FHIT: variants seen among roughly 807,000 people sequenced by gnomAD.
FHIT encodes the protein bis(5'-adenosyl)-triphosphatase.
A neutral mutation model predicts 17.9 loss-of-function variants in FHIT; 19 were observed. The observed-to-expected ratio is 1.06, with a 90% CI of 0.74 to 1.56. FHIT has a LOEUF of 1.56. FHIT is among the 40% of genes most tolerant of loss of function. The pLI, the probability that FHIT is intolerant of heterozygous loss-of-function variation, is 0.00. For missense variants in FHIT, 248 were observed against 189.2 expected (o/e 1.31, Z -1.82); for synonymous variants, 81 against 69.7 (o/e 1.16, Z -0.81).
intron 5 of FHIT, among the ~76,000 whole-genome samples, chr3:60,436,143 G>A (rs1272681078): frequency 6.6e-6 from 1 of 151,986 alleles, no homozygotes; most frequent in Non-Finnish European, 1.5e-5. Context: ...TGCCTCCTGG[G>A]CTCAAGCAAT....
At chr3:60,597,829 A>C (rs1403412527) in intron 4 of FHIT, among the ~76,000 whole-genome samples, 1 of 152,194 alleles carries the variant, frequency 6.6e-6, no homozygotes. Context: ...TGCAATTTGT[A>C]TGCAGAGAAG....
intron 8 of FHIT, among the ~76,000 whole-genome samples, chr3:59,890,110 T>C (rs1224098763): frequency 2.6e-5 from 4 of 152,222 alleles, no homozygotes; most frequent in Admixed American, 2.6e-4. Context: ...TGGGATGATA[T>C]TAACTATCAG....
At chr3:60,834,401 C>G (rs1331972408) in intron 3 of FHIT, among the ~76,000 whole-genome samples, 3 of 152,074 alleles carry the variant, frequency 2.0e-5, no homozygotes, top group African/African-American at 7.2e-5. Flanking sequence ...ATCTGTATAA[C>G]CTCTTCAGTA....
Position 59,785,232 on chromosome 3 carries a change from C to G in FHIT, c.349-32911G>C, listed in dbSNP as rs112267579. ...ATGAGATTTGGTGGGGACACATATC[C>G]GAACCATATCACCTATTTATGGCAT... is the stretch of plus-strand genomic sequence containing the variant. On this transcript the variant is annotated intron_variant, in intron 8 of 9. Coordinates refer to ENST00000492590, the MANE Select transcript of FHIT (RefSeq NM_002012.4). 1.7e-3 allele frequency among the ~76,000 whole-genome samples: 261 copies of G among 152,004 alleles called. 2 individuals are homozygous for G. Among genetic ancestry groups the G allele is most frequent in the African/African-American group, 5.6e-3 (234 of 41,442 alleles).
chr3:60,272,078 C>A (rs930734919), intron 5 of FHIT, among the ~76,000 whole-genome samples: 7 of 152,184 alleles, frequency 4.6e-5, no homozygotes, highest in Admixed American at 3.9e-4. Context: ...CTCTACACCA[C>A]GCTGCAGTAC....
intron 4 of FHIT, among the ~76,000 whole-genome samples, chr3:60,771,156 T>G (rs1397577053): frequency 6.6e-6 from 1 of 152,266 alleles, no homozygotes; most frequent in Non-Finnish European, 1.5e-5. Context: ...GCCTATTTAT[T>G]GTATGAAATA....
chr3:60,106,962 TA>T (rs1704445547), intron 5 of FHIT, among the ~76,000 whole-genome samples: 1 of 152,126 alleles, frequency 6.6e-6, no homozygotes, highest in Non-Finnish European at 1.5e-5. Context: ...TTTTTTATTG[TA>T]AGCCTTCCCA....
chr3:60,203,959 G>C (rs1228920591), intron 5 of FHIT, among the ~76,000 whole-genome samples: 1 of 152,030 alleles, frequency 6.6e-6, no homozygotes, highest in African/African-American at 2.4e-5. Flanking sequence ...CATGGGGAGG[G>C]GGGTGAATAG....
intron 4 of FHIT, among the ~76,000 whole-genome samples, chr3:60,567,911 C>T (rs955482104): frequency 6.6e-5 from 10 of 152,128 alleles, no homozygotes; most frequent in Non-Finnish European, 8.8e-5. Flanking sequence ...CAATGAGATA[C>T]CATCTCTCAC....
At chr3:59,869,185 C>T (rs1702796325) in intron 8 of FHIT, among the ~76,000 whole-genome samples, 1 of 152,192 alleles carries the variant, frequency 6.6e-6, no homozygotes, top group Non-Finnish European at 1.5e-5. Context: ...ACTACGGCTC[C>T]TCTTTTCTAA....
At chr3:60,920,559 C>T (rs1707224942) in intron 3 of FHIT, among the ~76,000 whole-genome samples, 1 of 151,778 alleles carries the variant, frequency 6.6e-6, no homozygotes, top group African/African-American at 2.4e-5. Context: ...CCAACTGAAA[C>T]ATAAAAGGAG....
At chr3:60,962,270 A>G (rs1242431475) in intron 3 of FHIT, among the ~76,000 whole-genome samples, 2 of 152,154 alleles carry the variant, frequency 1.3e-5, no homozygotes, top group East Asian at 3.9e-4. Flanking sequence ...GATTTTTTGC[A>G]CACTGATTTT....
chr3:61,109,780 C>T (rs1163422540), intron 2 of FHIT, among the ~76,000 whole-genome samples: 1 of 152,194 alleles, frequency 6.6e-6, no homozygotes, highest in Non-Finnish European at 1.5e-5. Flanking sequence ...AAACACATAC[C>T]TGAGCCCACA....
intron 5 of FHIT, among the ~76,000 whole-genome samples, chr3:60,101,176 T>C (rs1704175741): frequency 6.6e-6 from 1 of 152,196 alleles, no homozygotes; most frequent in African/African-American, 2.4e-5. Context: ...TTGACACAAA[T>C]GTAAAGCAGG....
intron 4 of FHIT, among the ~76,000 whole-genome samples, chr3:60,812,946 A>T (rs1701619985): frequency 1.3e-5 from 2 of 152,180 alleles, no homozygotes; most frequent in South Asian, 2.1e-4. Context: ...TTATATAACT[A>T]TTGTAAGCAG....
In FHIT at chr3:60,056,306, C is replaced by T. The variant is rs565827078; in HGVS notation, c.104-42154G>A. 4.9e-4 allele frequency among the ~76,000 whole-genome samples: 74 copies of T among 152,040 alleles called. 2 individuals carry two copies. The South Asian group carries it at 0.015, about 31-fold the overall frequency. ...TAGAAAGCTTGGTTTGCTTCTGGTT[C>T]TATTACTTGAGATTTATTTGGAACT... On this transcript the variant is annotated intron_variant, in intron 5 of 9. Coordinates refer to ENST00000492590, the MANE Select transcript of FHIT (RefSeq NM_002012.4).
chr3:60,827,505 A>G (rs561166107), intron 3 of FHIT, among the ~76,000 whole-genome samples: 65 of 152,314 alleles, frequency 4.3e-4, no homozygotes, highest in African/African-American at 1.4e-3. Context: ...TAAATATGCT[A>G]TTTTGCGCCT....
intron 4 of FHIT, among the ~76,000 whole-genome samples, chr3:60,646,172 G>A (rs2682932): frequency 6.6e-6 from 1 of 152,208 alleles, no homozygotes; most frequent in Non-Finnish European, 1.5e-5. Flanking sequence ...CTACTTAGCA[G>A]TGTTTGCAGC....
At chr3:60,152,673 G>T (rs1310094851) in intron 5 of FHIT, among the ~76,000 whole-genome samples, 1 of 152,132 alleles carries the variant, frequency 6.6e-6, no homozygotes, top group East Asian at 1.9e-4. Context: ...TTAAAAATCT[G>T]CCAGGACTCC....
Sources: allele counts gnomAD v4.1 joint callset (sites outside exome capture counted in the v4.1 genomes callset), GRCh38; gene constraint gnomAD v4.1.1; transcripts MANE v1.5; gene names NCBI Gene and HGNC (gene_info 2026-07-23, HGNC 2026-07-21).